Variants in MASP1 observed in about 807,000 individuals in gnomAD.
MASP1 encodes mannan-binding lectin serine protease 1.
In MASP1, 59 loss-of-function variants were observed where a neutral mutation model predicts 77.1. The ratio of observed to expected loss-of-function variants is 0.77; its 90% CI spans 0.62 to 0.95. MASP1 has a LOEUF of 0.95. MASP1 is among the 40% of genes least tolerant of loss of function. The pLI is 0.00. For missense variants in MASP1, 885 were observed against 912.9 expected (o/e 0.97, Z 0.39); for synonymous variants, 362 against 354.5 (o/e 1.02, Z -0.24).
At chr3:187,228,253 C>T (rs948655223) in intron 11 of MASP1, among the ~76,000 whole-genome samples, 13 of 148,034 alleles carry the variant, frequency 8.8e-5, no homozygotes, top group African/African-American at 3.3e-4. Context: ...CACCACTGTA[C>T]TCCATCCTGG....
At chr3:187,249,405 C>A (rs1014654919) in intron 8 of MASP1, among the ~76,000 whole-genome samples, 2 of 152,184 alleles carry the variant, frequency 1.3e-5, no homozygotes, top group Admixed American at 1.3e-4. Context: ...TCTCCCTTCT[C>A]TCTCCCTTCC....
Position 187,235,808 on chromosome 3 carries a change from C to A in MASP1, c.2063G>T (p.Gly688Val). The part of the protein sequence containing the change: ...WVVQGLVSWG[G>V]PEECGSKQVY... ...CTGCTTGCTGCCGCATTCTTCAGGT[C>A]CCCCCCAGGACACCAGGCCTTGCAC... Residue 688 changes from glycine (G) to valine (V), a missense_variant, in exon 11 of 11, where the codon GGA (glycine) becomes GTA (valine). Gly to Val is a moderately radical substitution (Grantham distance 109). Transcript: ENST00000296280. The A allele has an allele frequency of 6.2e-7, 1 of 1,613,980 alleles. No homozygotes were observed. The highest frequency in any genetic ancestry group is 1.1e-5 in the South Asian group (1 of 91,080).
chr3:187,221,750 C>T (rs138407585), intron 14 of MASP1, among the ~76,000 whole-genome samples: 7 of 152,266 alleles, frequency 4.6e-5, no homozygotes, highest in Admixed American at 6.5e-5. Context: ...GCATCTGTCT[C>T]GATGCTGGAT....
At chr3:187,284,553 G>A (rs1717692839) in intron 2 of MASP1, among the ~76,000 whole-genome samples, 1 of 152,182 alleles carries the variant, frequency 6.6e-6, no homozygotes, top group African/African-American at 2.4e-5. Context: ...GGACATTGCA[G>A]GCAGACCCAA....
chr3:187,251,490 G>C, intron 7 of MASP1, 144 bp downstream of exon 7: 1 of 733,566 alleles, frequency 1.4e-6, no homozygotes. Context: ...GGAATTTCTG[G>C]AGCATTTGAG....
chr3:187,224,414 T>C (rs930673485), intron 13 of MASP1, among the ~76,000 whole-genome samples: 1 of 145,280 alleles, frequency 6.9e-6, no homozygotes, highest in Non-Finnish European at 1.5e-5. Context: ...TGGCGGGATC[T>C]CGGCTCACTG....
chr3:187,267,857 A>C (rs1012130652), intron 2 of MASP1, among the ~76,000 whole-genome samples: 2 of 152,160 alleles, frequency 1.3e-5, no homozygotes, highest in African/African-American at 2.4e-5. Flanking sequence ...CCTTTTCTCT[A>C]ATCCTTTAAA....
intron 7 of MASP1, 178 bp downstream of exon 7, chr3:187,251,456 G>T: frequency 4.9e-6 from 3 of 606,512 alleles, no homozygotes; most frequent in Admixed American, 2.8e-5. Context: ...TTCAGAGTGT[G>T]AGACCGCCTG....
intron 5 of MASP1, among the ~76,000 whole-genome samples, chr3:187,254,054 A>G (rs1714859492): frequency 6.6e-6 from 1 of 152,188 alleles, no homozygotes; most frequent in Admixed American, 6.5e-5. Flanking sequence ...GGCTCAGAGA[A>G]GGGCAGAGTG....
At chr3:187,286,162 G>C (rs1579594569) in intron 1 of MASP1, 106 bp from the exon 2 acceptor site, 1 of 913,422 alleles carries the variant, frequency 1.1e-6, no homozygotes. Context: ...TCTGTCTCTG[G>C]CCTGCCGTAA....
At chr3:187,249,382 T>C (rs1480688624) in intron 8 of MASP1, among the ~76,000 whole-genome samples, 2 of 152,154 alleles carry the variant, frequency 1.3e-5, no homozygotes, top group Non-Finnish European at 2.9e-5. Context: ...CACCAAGCCA[T>C]TGTAAAGCAA....
At chr3:187,230,042 C>T, downstream of MASP1, 1 of 897,080 alleles carries the variant, frequency 1.1e-6, no homozygotes, top group South Asian at 1.7e-5. Context: ...TAATAGCATC[C>T]CAGTCTTTCT....
At position 187,236,380 on chromosome 3, in the gene MASP1, A is replaced by G. The variant is rs1713183066; in HGVS notation, c.1491T>C (p.His497=). ...TGTCTCTACGCTGGGAGCGCAGCAC[A>G]TGAGCTGCTGTGAGGATCCAGGACG... The part of the protein sequence containing the change: ...LSASWILTAA[H]VLRSQRRDTT... Residue 497 remains histidine, a synonymous_variant, in exon 11 of 11, where the codon CAT becomes CAC. Transcript: ENST00000296280. 2 of 1,614,202 alleles carry G rather than the reference A, an allele frequency of 1.2e-6. No individual in the cohort carries two copies. Among genetic ancestry groups the G allele is most frequent in the East Asian group, 4.5e-5 (2 of 44,884 alleles).
chr3:187,234,990 CT>C lies in MASP1; in HGVS notation c.*693del. The C allele has an allele frequency of 1.6e-6, 2 of 1,287,240 alleles. No individual in the cohort carries two copies. Among genetic ancestry groups the C allele is most frequent in the Non-Finnish European group, 2.0e-6 (2 of 988,694 alleles). The allele number at this position is 1,287,240 out of a possible 1,614,324, so 79.7% of individuals were successfully genotyped here. A position where few individuals can be genotyped will look rare whatever the true frequency, so the allele number is the denominator to read the frequency against. On this transcript the variant is annotated 3_prime_UTR_variant, in exon 11 of 11. Coordinates refer to ENST00000296280, the MANE Select transcript of MASP1 (RefSeq NM_139125.4). ...TGGTGGGCCTCCCACGGCTATTCTG[CT>C]CCCAGCAGTCAGCACAAACCTTCCC...
At chr3:187,231,106 A>G (rs903696987), downstream of MASP1, among the ~76,000 whole-genome samples, 34 of 152,228 alleles carry the variant, frequency 2.2e-4, no homozygotes, top group African/African-American at 8.2e-4. Flanking sequence ...CTCAGAGCCC[A>G]ATGAGTGGGA....
At chr3:187,233,374 C>A (rs958146499), downstream of MASP1, among the ~76,000 whole-genome samples, 3 of 152,194 alleles carry the variant, frequency 2.0e-5, no homozygotes, top group Non-Finnish European at 2.9e-5. Context: ...CCATGGCCAG[C>A]TTTCATGCTT....
chr3:187,234,191 A>C lies in MASP1; in HGVS notation c.*1493T>G. ...ATATGATATAAAAGATACAAAATATAACATCATTTACATGTGCCATTCATA... is the reference window on the plus strand; with the variant it reads ...ATATGATATAAAAGATACAAAATATCACATCATTTACATGTGCCATTCATA... On this transcript the variant is annotated 3_prime_UTR_variant, in exon 11 of 11. Coordinates refer to ENST00000296280, the MANE Select transcript of MASP1 (RefSeq NM_139125.4). 1 of 1,287,220 alleles carries C rather than the reference A, an allele frequency of 7.8e-7. No individual in the cohort carries two copies. The highest frequency in any genetic ancestry group is 1.0e-6 in the Non-Finnish European group (1 of 988,676). The allele number at this position is 1,287,220 out of a possible 1,614,324, so 79.7% of individuals were successfully genotyped here.
chr3:187,290,578 C>T (rs151055455), intron 1 of MASP1, among the ~76,000 whole-genome samples: 5 of 152,130 alleles, frequency 3.3e-5, no homozygotes, highest in Non-Finnish European at 2.9e-5. Context: ...TTTTTAAGGA[C>T]CTGGTTATCT....
chr3:187,227,590 G>C (rs930265987), intron 11 of MASP1, among the ~76,000 whole-genome samples: 1 of 152,210 alleles, frequency 6.6e-6, no homozygotes, highest in Non-Finnish European at 1.5e-5. Context: ...CTTAGTCTCA[G>C]AGCAGGTTCC....
Sources: allele counts gnomAD v4.1 joint callset (sites outside exome capture counted in the v4.1 genomes callset), GRCh38; gene constraint gnomAD v4.1.1; transcripts MANE v1.5; gene names NCBI Gene and HGNC (gene_info 2026-07-23, HGNC 2026-07-21).